ADAMTS20: variants seen among roughly 807,000 people sequenced by gnomAD.
ADAMTS20 encodes ADAM metallopeptidase with thrombospondin type 1 motif 20.
ADAMTS20 carries 225 observed loss-of-function variants against 260.1 expected under a neutral mutation model. The observed-to-expected ratio is 0.87, with a 90% confidence interval of 0.78 to 0.97. The LOEUF is 0.97. Among genes scored for constraint, ADAMTS20 ranks in the 50% least tolerant of loss-of-function variants. The pLI, the probability that ADAMTS20 is intolerant of heterozygous loss-of-function variation, is 0.00. For synonymous variants in ADAMTS20, 802 were observed against 769.5 expected (o/e 1.04, Z -0.70); for missense variants, 2,400 against 2,337.7 (o/e 1.03, Z -0.55).
rs1161311906 is a variant in ADAMTS20, at chr12:43,551,954, C to A, written c.-33G>T. On this transcript the variant is annotated 5_prime_UTR_variant, in exon 1 of 39. Coordinates refer to ENST00000389420, the MANE Select transcript of ADAMTS20 (RefSeq NM_025003.5). This position sits in a 1 kb window ranked among gnomAD's most constrained non-coding sequence, Gnocchi z 4.6. ...CCCTGGGGACCCCGATCGGGGAGGC[C>A]CACCAGAGCCGCCGGCAGCCAAGCC... 8.2e-6 allele frequency: 13 copies of A among 1,590,996 alleles called. No homozygotes were observed. Among genetic ancestry groups the A allele is most frequent in the Non-Finnish European group, 1.1e-5 (13 of 1,161,338 alleles).
intron 7 of ADAMTS20, among the ~76,000 whole-genome samples, chr12:43,472,527 A>G (rs1296201381): frequency 1.5e-5 from 2 of 135,818 alleles, no homozygotes; most frequent in African/African-American, 5.7e-5. Flanking sequence ...TCCAAGACAC[A>G]TAATTGTCAG....
chr12:43,427,121 C>T (rs879644625), intron 27 of ADAMTS20, among the ~76,000 whole-genome samples, 187 bp downstream of exon 27: 2 of 151,930 alleles, frequency 1.3e-5, no homozygotes, highest in Non-Finnish European at 2.9e-5. Flanking sequence ...TGCAGTGAGT[C>T]GAGATCACGA....
At chr12:43,446,736 T>C in intron 14 of ADAMTS20, 24 bp from the exon 15 acceptor site, 1 of 1,558,518 alleles carries the variant, frequency 6.4e-7, no homozygotes, top group Non-Finnish European at 8.8e-7. Context: ...TTACAATCAA[T>C]ATTATAAGAA....
At chr12:43,377,981 G>A (rs556743641) in intron 31 of ADAMTS20, among the ~76,000 whole-genome samples, 1 of 152,256 alleles carries the variant, frequency 6.6e-6, no homozygotes, top group South Asian at 2.1e-4. Context: ...TATCTTCATA[G>A]ATATACTGTA....
At position 43,446,624 on chromosome 12, in the gene ADAMTS20, A is replaced by T; in HGVS notation, c.2168T>A (p.Ile723Lys). 4 of 1,613,186 alleles carry T rather than the reference A, an allele frequency of 2.5e-6. No individual in the cohort carries two copies. Among genetic ancestry groups the T allele is most frequent in the Non-Finnish European group, 3.4e-6 (4 of 1,179,388 alleles). ...ATGAGAACTGTTGAAGACACCTGTT[A>T]TTGTCTTGCATGAAGAGTTGTCCCC... The part of the protein sequence containing the change: ...CGGDNSSCKT[I>K]TGVFNSSHYG... Residue 723 changes from isoleucine to lysine, a missense_variant, in exon 15 of 39, where the codon ATA (isoleucine) becomes AAA (lysine). Transcript: ENST00000389420.
chr12:43,461,059 C>T (rs1490670180), intron 11 of ADAMTS20, among the ~76,000 whole-genome samples: 4 of 135,784 alleles, frequency 2.9e-5, no homozygotes, highest in African/African-American at 2.8e-5. Flanking sequence ...GGCGTGATCT[C>T]GGCTCACTGC....
chr12:43,534,063 G>A (rs1277980864), intron 2 of ADAMTS20, among the ~76,000 whole-genome samples: 21 of 56,982 alleles, frequency 3.7e-4, no homozygotes, highest in African/African-American at 6.9e-4. Context: ...GGACATAGGC[G>A]TGGGCAAGGA....
intron 18 of ADAMTS20, among the ~76,000 whole-genome samples, chr12:43,436,721 T>C (rs1363715887): frequency 6.6e-6 from 1 of 152,082 alleles, no homozygotes; most frequent in Non-Finnish European, 1.5e-5. Context: ...TGAAACAAGG[T>C]GGCTAAATAA....
chr12:43,423,157 A>C (rs995224316), intron 28 of ADAMTS20: 1 of 152,150 alleles, frequency 6.6e-6, no homozygotes, highest in Non-Finnish European at 1.5e-5. Context: ...TTTTCCCAGA[A>C]AAAGTTAGAT....
intron 15 of ADAMTS20, 126 bp downstream of exon 15, chr12:43,446,469 C>T: frequency 1.6e-6 from 1 of 631,042 alleles, no homozygotes; most frequent in Non-Finnish European, 2.6e-6. Flanking sequence ...TTTTCCTTAA[C>T]AATCATTTTG....
At position 43,466,342 on chromosome 12, in the gene ADAMTS20, G is replaced by T. The variant is rs1942151458; in HGVS notation, c.1367+310C>A. ...AATTCAAAAACACATAAGGAAACTG[G>T]AATTCCCATTAAGTCTCCCATCAAA... On this transcript the variant is annotated intron_variant, in intron 9 of 38. Coordinates refer to ENST00000389420, the MANE Select transcript of ADAMTS20 (RefSeq NM_025003.5). Among the ~76,000 whole-genome samples, 4 of 151,756 alleles carry T rather than the reference G, an allele frequency of 2.6e-5. No individual in the cohort carries two copies. The South Asian group carries it at 8.3e-4, about 32-fold the overall frequency.
chr12:43,392,744 A>G (rs1592044965), intron 29 of ADAMTS20, among the ~76,000 whole-genome samples: 1 of 151,962 alleles, frequency 6.6e-6, no homozygotes, highest in African/African-American at 2.4e-5. Flanking sequence ...TTTCTGTTGA[A>G]TCATTCTGGT....
rs57908192 is a variant in ADAMTS20 at position 43,378,540 on chromosome 12, G to T, written c.4798-978C>A. Among the ~76,000 whole-genome samples, 1,155 of 152,338 alleles carry T rather than the reference G, an allele frequency of 7.6e-3. 24 individuals carry two copies. The highest frequency in any genetic ancestry group is 0.024 in the Middle Eastern group (7 of 294). On this transcript the variant is annotated intron_variant, in intron 31 of 38. Transcript: ENST00000389420. ...CCTAGATTAAACAATATACTGATCT[G>T]CCTACAAAATCTTAAGTGCAAGGCA...
In ADAMTS20 at chr12:43,383,619, G is replaced by A. The variant is rs769879861; in HGVS notation, c.4736C>T (p.Thr1579Ile). The A allele has an allele frequency of 6.2e-7, 1 of 1,613,698 alleles. No individual in the cohort carries two copies. The highest frequency in any genetic ancestry group is 1.1e-5 in the South Asian group (1 of 91,072). The change falls in exon 31 of 39, where the codon ACA (threonine) becomes ATA (isoleucine). Residue 1579 changes from threonine to isoleucine, a missense_variant. Physicochemically the swap from Thr to Ile is moderately conservative, Grantham distance 89 (BLOSUM62 -1). Transcript: ENST00000389420. ...AGGAGGGTTCCTGCAATTCTTGGATGTAAGAGATATGGTTGAAGAATTATA... is the reference window on the plus strand; with the variant it reads ...AGGAGGGTTCCTGCAATTCTTGGATATAAGAGATATGGTTGAAGAATTATA... ...IVYNSSTISL[T>I]SKNCRNPPCN... is the part of the protein sequence containing the mutation.
In ADAMTS20 at chr12:43,464,619, C is replaced by T. The variant is rs1196209746; in HGVS notation, c.1481G>A (p.Gly494Asp). The change falls in exon 10 of 39, where the codon GGT (glycine) becomes GAT (aspartate). Residue 494 changes from glycine (G) to aspartate (D), a missense_variant. Gly to Asp is a moderately conservative substitution (Grantham distance 94). Transcript: ENST00000389420. Reference sequence around the variant, plus strand: ...ATGGGGACACATTTGTGACCCAGGACCAAACGCAAGCTCACACTGCTTGTT... The same window carrying T: ...ATGGGGACACATTTGTGACCCAGGATCAAACGCAAGCTCACACTGCTTGTT... ...DGNKQCELAF[G>D]PGSQMCPHIN... 3 of 1,613,240 alleles carry T rather than the reference C, an allele frequency of 1.9e-6. No homozygotes were observed. The highest frequency in any genetic ancestry group is 3.3e-5 in the Admixed American group (2 of 59,954).
intron 7 of ADAMTS20, among the ~76,000 whole-genome samples, chr12:43,469,258 A>G (rs1942209721): frequency 6.6e-6 from 1 of 152,162 alleles, no homozygotes; most frequent in African/African-American, 2.4e-5. Flanking sequence ...TTATAATATA[A>G]GAATTACTGC....
At chr12:43,409,710 A>T (rs1940997349) in intron 28 of ADAMTS20, among the ~76,000 whole-genome samples, 1 of 151,808 alleles carries the variant, frequency 6.6e-6, no homozygotes, top group Non-Finnish European at 1.5e-5. Context: ...CATAGCAATT[A>T]TCAAAGTGTA....
intron 28 of ADAMTS20, chr12:43,422,809 A>G (rs1941260821): frequency 1.3e-5 from 2 of 152,084 alleles, no homozygotes; most frequent in South Asian, 2.1e-4. Flanking sequence ...TTTCTTGGTC[A>G]TTTGTTTTTG....
chr12:43,418,594 C>T (rs1285497575), intron 28 of ADAMTS20, among the ~76,000 whole-genome samples: 1 of 152,198 alleles, frequency 6.6e-6, no homozygotes, highest in Admixed American at 6.5e-5. Flanking sequence ...CAGGCATGAG[C>T]CACTGCACCC....
Sources: allele counts gnomAD v4.1 joint callset (sites outside exome capture counted in the v4.1 genomes callset), GRCh38; gene constraint gnomAD v4.1.1; non-coding constraint Gnocchi (gnomAD v3.1); transcripts MANE v1.5; gene names NCBI Gene and HGNC (gene_info 2026-07-23, HGNC 2026-07-21).